ABCC5: variants seen among roughly 807,000 people sequenced by gnomAD.
The protein encoded by ABCC5 is ATP-binding cassette sub-family C member 5.
In ABCC5, 61 loss-of-function variants were observed where a neutral mutation model predicts 160.9. The ratio of observed to expected loss-of-function variants is 0.38; its 90% CI spans 0.31 to 0.47. The LOEUF (loss-of-function observed/expected upper bound fraction) is 0.47. Ranked by LOEUF, ABCC5 falls within the 20% of genes least tolerant of loss-of-function variation. The pLI is 0.99. For missense variants in ABCC5, 1,308 were observed against 1,813.3 expected (o/e 0.72, Z 5.06); for synonymous variants, 666 against 700.6 (o/e 0.95, Z 0.78).
intron 29 of ABCC5, among the ~76,000 whole-genome samples, chr3:183,923,263 T>C (rs565169794): frequency 3.2e-4 from 49 of 152,006 alleles, no homozygotes; most frequent in African/African-American, 1.1e-3. Context: ...AAAGAGTGAA[T>C]GGGCTCCCCA....
Position 183,992,082 on chromosome 3 carries a change from C to A in ABCC5, c.130-2699G>T, listed in dbSNP as rs1475281166. On this transcript the variant is annotated intron_variant, in intron 2 of 29. Transcript: ENST00000334444. ...CATTGGGCTATAAAGCAAACCTCAA[C>A]AAATCTCAAGACTGACATCATGTAT... is the stretch of plus-strand genomic sequence containing the variant. 2.6e-5 allele frequency among the ~76,000 whole-genome samples: 4 copies of A among 152,210 alleles called. No homozygotes were observed. In the East Asian group the frequency reaches 7.7e-4, roughly 29 times the overall value.
At chr3:183,981,639 G>A (rs1718751555) in intron 8 of ABCC5, 88 bp downstream of exon 8, 2 of 1,413,540 alleles carry the variant, frequency 1.4e-6, no homozygotes, top group East Asian at 4.6e-5. Flanking sequence ...AGTACGTAAT[G>A]TGCTCAGAAA....
chr3:183,955,556 T>C (rs1367539499), intron 17 of ABCC5, among the ~76,000 whole-genome samples: 1 of 152,278 alleles, frequency 6.6e-6, no homozygotes, highest in Admixed American at 6.5e-5. Context: ...GAAACAGCTA[T>C]ACAGGAAGAT....
intron 11 of ABCC5, among the ~76,000 whole-genome samples, 184 bp from the exon 12 acceptor site, chr3:183,967,950 C>T (rs879851303): frequency 6.6e-6 from 1 of 152,132 alleles, no homozygotes; most frequent in African/African-American, 2.4e-5. Flanking sequence ...TGTGGAGACA[C>T]CTGAGATAAC....
At position 183,988,058 on chromosome 3, in the gene ABCC5, A is replaced by C. The variant is rs768603197; in HGVS notation, c.444-141T>G. On this transcript the variant is annotated intron_variant, in intron 4 of 29. Transcript: ENST00000334444. The surrounding 1 kb of genome is among the most constrained non-coding windows in gnomAD (Gnocchi z 4.4). ...CTTTAAAATTATGTACATAGTCTTC[A>C]CCTTCTGGGAAAAAATACCCTTCCT... 1.1e-6 allele frequency: 1 copy of C among 896,006 alleles called. No individual in the cohort carries two copies. Among genetic ancestry groups the C allele is most frequent in the East Asian group, 2.5e-5 (1 of 39,568 alleles). 55.5% of individuals were successfully genotyped at this position (896,006 alleles called of 1,614,324 possible). A position where few individuals can be genotyped will look rare whatever the true frequency, so the allele number is the denominator to read the frequency against.
rs1577494911 is a variant in ABCC5 at position 183,947,459 on chromosome 3, A to G, written c.3279T>C (p.Cys1093=). Residue 1093 remains cysteine (C), a synonymous_variant, in exon 23 of 30, where the codon TGT becomes TGC. Coordinates refer to ENST00000334444, the MANE Select transcript of ABCC5 (RefSeq NM_005688.4). The stretch of plus-strand genomic sequence containing the variant: ...GCCGCACAGCCAGCCACCGCATCGC[A>G]CACGTAAACAAAAAAAAAGGAGCTT... The part of the protein sequence containing the change: ...DNQAPFFLFT[C]AMRWLAVRLD... The G allele has an allele frequency of 6.2e-7, 1 of 1,610,346 alleles. No individual in the cohort carries two copies. The highest frequency in any genetic ancestry group is 2.2e-5 in the East Asian group (1 of 44,788).
intron 24 of ABCC5, among the ~76,000 whole-genome samples, chr3:183,945,489 G>A (rs1714753753): frequency 6.6e-6 from 1 of 152,092 alleles, no homozygotes; most frequent in African/African-American, 2.4e-5. Context: ...CTCAGCAGGG[G>A]GTCCTGATGG....
intron 17 of ABCC5, among the ~76,000 whole-genome samples, chr3:183,956,383 A>G (rs563060055): frequency 8.8e-6 from 1 of 113,122 alleles, no homozygotes. Context: ...TCCGTGTGTA[A>G]ATCACATAGG....
intron 11 of ABCC5, among the ~76,000 whole-genome samples, chr3:183,970,258 G>A (rs924380509): frequency 1.3e-5 from 2 of 152,112 alleles, no homozygotes; most frequent in East Asian, 3.9e-4. Context: ...CGGCCTCTGT[G>A]TTTCTGTTCC....
intron 5 of ABCC5, chr3:183,985,297 A>G (rs765687180): frequency 5.0e-6 from 8 of 1,612,414 alleles, no homozygotes; most frequent in Non-Finnish European, 5.9e-6. Flanking sequence ...AATAAACATT[A>G]CCTTACCTGA....
intron 20 of ABCC5, 33 bp from the exon 21 acceptor site, chr3:183,950,158 T>A: frequency 6.3e-7 from 1 of 1,579,200 alleles, no homozygotes; most frequent in South Asian, 1.2e-5. Context: ...AAGTGTCAGA[T>A]GGTTTGGAAA....
chr3:183,940,306 T>C (rs1714173928), intron 25 of ABCC5, among the ~76,000 whole-genome samples: 1 of 144,708 alleles, frequency 6.9e-6, no homozygotes, highest in Admixed American at 7.1e-5. Flanking sequence ...GAGACCAGCC[T>C]GGCAAACATG....
chr3:183,969,508 A>G (rs1475088053), intron 11 of ABCC5, among the ~76,000 whole-genome samples: 1 of 152,108 alleles, frequency 6.6e-6, no homozygotes, highest in Non-Finnish European at 1.5e-5. Flanking sequence ...CCTGGCCAAC[A>G]TGGTGAAACC....
chr3:183,997,730 A>G (rs1720394722), intron 2 of ABCC5, among the ~76,000 whole-genome samples: 1 of 152,110 alleles, frequency 6.6e-6, no homozygotes, highest in Non-Finnish European at 1.5e-5. Context: ...ATGATATACC[A>G]CTGAGGCGAT....
At position 184,014,395 on chromosome 3, in the gene ABCC5, T is replaced by C. The variant is rs748365361; in HGVS notation, c.-3A>G. On this transcript the variant is annotated 5_prime_UTR_variant, in exon 2 of 30. Coordinates refer to ENST00000334444, the MANE Select transcript of ABCC5 (RefSeq NM_005688.4). ...TTTCCTATGTCGATATCCTTCATCTTCTCTGAGTGGAGGTTCCAGGGCTCA... is the reference window on the plus strand; with the variant it reads ...TTTCCTATGTCGATATCCTTCATCTCCTCTGAGTGGAGGTTCCAGGGCTCA... 1.2e-6 allele frequency: 2 copies of C among 1,609,556 alleles called. No homozygotes were observed. Among genetic ancestry groups the C allele is most frequent in the Non-Finnish European group, 1.7e-6 (2 of 1,178,318 alleles).
At chr3:183,978,414 C>T (rs1471215645) in intron 9 of ABCC5, 89 bp downstream of exon 9, 2 of 1,506,766 alleles carry the variant, frequency 1.3e-6, no homozygotes, top group Non-Finnish European at 1.8e-6. Context: ...CTGTAACCTC[C>T]ACCACCTGGG....
At chr3:183,977,728 A>C in intron 9 of ABCC5, 104 bp from the exon 10 acceptor site, 1 of 731,830 alleles carries the variant, frequency 1.4e-6, no homozygotes, top group Non-Finnish European at 2.3e-6. Context: ...CTGCAACTTC[A>C]CGGTCAGCTG....
Position 183,938,017 on chromosome 3 carries a change from T to A in ABCC5, c.3738A>T (p.Leu1246Phe). Residue 1246 changes from leucine to phenylalanine, a missense_variant, in exon 26 of 30, where the codon TTA becomes TTT. Leu to Phe is a conservative substitution (Grantham distance 22). Transcript: ENST00000334444. ...LGMALFRLVE[L>F]SGGCIKIDGV... ...CATCAATCTTGATGCAGCCTCCAGA[T>A]AACTCCACCAGACGGAAGAGGGCCA... 1 of 1,614,154 alleles carries A rather than the reference T, an allele frequency of 6.2e-7. No homozygotes were observed. Among genetic ancestry groups the A allele is most frequent in the Non-Finnish European group, 8.5e-7 (1 of 1,180,032 alleles).
At chr3:183,997,527 C>T (rs908872312) in intron 2 of ABCC5, among the ~76,000 whole-genome samples, 1 of 152,112 alleles carries the variant, frequency 6.6e-6, no homozygotes, top group Non-Finnish European at 1.5e-5. Context: ...CCTCCTATGT[C>T]TTCCCTGTAC....
Sources: gnomAD v4.1 joint callset for allele counts (sites outside exome capture counted in the v4.1 genomes callset) on GRCh38, gnomAD v4.1.1 for gene constraint, Gnocchi (gnomAD v3.1) non-coding constraint, MANE v1.5 for transcripts, NCBI Gene and HGNC (gene_info 2026-07-23, HGNC 2026-07-21) for gene names.